ZBTB20: variants seen among roughly 807,000 people sequenced by gnomAD.
ZBTB20 encodes zinc finger and BTB domain containing 20.
A neutral mutation model predicts 56.9 loss-of-function variants in ZBTB20; 9 were observed. The observed-to-expected ratio is 0.16, with a 90% CI of 0.10 to 0.28. The LOEUF is 0.28. Among genes scored for constraint, ZBTB20 ranks in the 10% least tolerant of loss-of-function variants. ZBTB20 has a pLI of 1.00. For synonymous variants in ZBTB20, 417 were observed against 420.7 expected, an observed-to-expected ratio of 0.99 and a Z score of 0.11; for missense variants, 655 against 1,003.0, an observed-to-expected ratio of 0.65 and a Z score of 4.69.
At chr3:114,878,779 AAC>A (rs1190035044) in intron 4 of ZBTB20, among the ~76,000 whole-genome samples, 11 of 152,166 alleles carry the variant, frequency 7.2e-5, no homozygotes, top group African/African-American at 2.7e-4. Context: ...AATTATTGAA[AAC>A]ACACAAAATA....
In ZBTB20 at chr3:114,321,596, A is replaced by G. The variant is rs2078896857; in HGVS notation, c.*17409T>C. 6.6e-6 allele frequency: 1 copy of G among 152,246 alleles called. No individual in the cohort carries two copies. The highest frequency in any genetic ancestry group is 6.5e-5 in the Admixed American group (1 of 15,288). 9.4% of individuals were successfully genotyped at this position (152,246 alleles called of 1,614,324 possible). On this transcript the variant is annotated 3_prime_UTR_variant, in exon 12 of 12. Coordinates refer to ENST00000675478, the MANE Select transcript of ZBTB20 (RefSeq NM_001348800.3). ...ACACAGATGGTTCCATATGGAAACA[A>G]AAAATAAAGAGAAAGAACTGGTAAG...
chr3:114,817,602 T>C (rs2073016906), intron 4 of ZBTB20, among the ~76,000 whole-genome samples: 1 of 151,822 alleles, frequency 6.6e-6, no homozygotes, highest in Admixed American at 6.6e-5. Context: ...GGCATACATA[T>C]ATGCCTCTAT....
chr3:114,531,078 G>A (rs1031008316), intron 6 of ZBTB20, among the ~76,000 whole-genome samples: 7 of 151,924 alleles, frequency 4.6e-5, no homozygotes, highest in Non-Finnish European at 1.0e-4. Flanking sequence ...ACCTTTCTTC[G>A]GAGCTTCAAA....
At chr3:114,821,026 G>C (rs899194328) in intron 4 of ZBTB20, among the ~76,000 whole-genome samples, 1 of 152,140 alleles carries the variant, frequency 6.6e-6, no homozygotes, top group African/African-American at 2.4e-5. Context: ...ATAGTGAACA[G>C]TGTATTTGCG....
chr3:114,829,630 T>C (rs1258603208), intron 4 of ZBTB20, among the ~76,000 whole-genome samples: 2 of 151,876 alleles, frequency 1.3e-5, no homozygotes, highest in Non-Finnish European at 2.9e-5. Context: ...CACACCTGGT[T>C]TTATGAATCA....
At chr3:114,800,393 A>G (rs991188981) in intron 5 of ZBTB20, among the ~76,000 whole-genome samples, 1 of 151,812 alleles carries the variant, frequency 6.6e-6, no homozygotes, top group East Asian at 1.9e-4. Flanking sequence ...TTGTTCTTCC[A>G]AGTACATTGA....
rs1219273494 is a variant in ZBTB20, at chr3:114,320,590, C to A, written c.*18415G>T. 4 of 152,176 alleles carry A rather than the reference C, an allele frequency of 2.6e-5. No individual in the cohort carries two copies. Among genetic ancestry groups the A allele is most frequent in the Admixed American group, 6.5e-5 (1 of 15,272 alleles). The allele number at this position is 152,176 out of a possible 1,614,324, so 9.4% of individuals were successfully genotyped here. On this transcript the variant is annotated 3_prime_UTR_variant, in exon 12 of 12. Transcript: ENST00000675478. ...TAGATTTCTAACTCAACATAGTTAA[C>A]CACTGCTCTTCTGTCTTTTCCTTCA...
At chr3:114,720,421 C>T (rs893161188) in intron 5 of ZBTB20, among the ~76,000 whole-genome samples, 3 of 152,004 alleles carry the variant, frequency 2.0e-5, no homozygotes, top group Non-Finnish European at 4.4e-5. Context: ...TATAGACATG[C>T]AAGTATTACT....
At chr3:114,816,194 G>C (rs574736503) in intron 4 of ZBTB20, among the ~76,000 whole-genome samples, 3 of 152,194 alleles carry the variant, frequency 2.0e-5, no homozygotes, top group African/African-American at 7.2e-5. Flanking sequence ...TCTTCACTTT[G>C]GTTAATACGG....
intron 7 of ZBTB20, among the ~76,000 whole-genome samples, chr3:114,407,677 T>C (rs2087467905): frequency 1.3e-5 from 2 of 152,286 alleles, no homozygotes; most frequent in South Asian, 4.1e-4. Context: ...TGGGAAAACA[T>C]TAAAAACTGT....
chr3:114,921,103 T>C (rs2075941707), intron 3 of ZBTB20, among the ~76,000 whole-genome samples: 1 of 152,068 alleles, frequency 6.6e-6, no homozygotes, highest in Non-Finnish European at 1.5e-5. Flanking sequence ...AATTCTCCCA[T>C]CAAAGAAAAG....
intron 4 of ZBTB20, among the ~76,000 whole-genome samples, chr3:114,881,007 A>G (rs1241940042): frequency 6.6e-6 from 1 of 152,128 alleles, no homozygotes; most frequent in Non-Finnish European, 1.5e-5. Flanking sequence ...AAATATAAAT[A>G]TGATATTAAA....
chr3:115,068,378 A>G (rs1032201542), intron 2 of ZBTB20, among the ~76,000 whole-genome samples: 2 of 152,126 alleles, frequency 1.3e-5, no homozygotes, highest in Admixed American at 1.3e-4. Context: ...ATAGGTTAAA[A>G]AGGATACATG....
At chr3:114,502,684 A>T (rs1373608373) in intron 6 of ZBTB20, 1 of 152,178 alleles carries the variant, frequency 6.6e-6, no homozygotes, top group Non-Finnish European at 1.5e-5. Context: ...GCTATATTCT[A>T]GTCTTCTCTG....
intron 5 of ZBTB20, among the ~76,000 whole-genome samples, chr3:114,706,053 G>A (rs1382999148): frequency 6.6e-6 from 1 of 152,078 alleles, no homozygotes; most frequent in African/African-American, 2.4e-5. Context: ...TCCCATATAG[G>A]TCATGATATT....
intron 1 of ZBTB20, among the ~76,000 whole-genome samples, chr3:115,119,874 T>C (rs540743380): frequency 2.0e-5 from 3 of 152,148 alleles, no homozygotes; most frequent in South Asian, 2.1e-4. Context: ...TAAAAGTCAA[T>C]AGATGGAGGA....
At chr3:115,058,461 G>A (rs1368130306) in intron 2 of ZBTB20, among the ~76,000 whole-genome samples, 1 of 152,134 alleles carries the variant, frequency 6.6e-6, no homozygotes, top group Non-Finnish European at 1.5e-5. Flanking sequence ...AGGCATGGTG[G>A]GTCATGCCTC....
At chr3:114,578,459 G>A (rs935015061) in intron 6 of ZBTB20, among the ~76,000 whole-genome samples, 25 of 152,038 alleles carry the variant, frequency 1.6e-4, no homozygotes, top group African/African-American at 5.3e-4. Flanking sequence ...AGATTAATAA[G>A]TATATCCTGA....
chr3:114,919,870 G>A (rs2075891415), intron 3 of ZBTB20, among the ~76,000 whole-genome samples: 1 of 152,084 alleles, frequency 6.6e-6, no homozygotes, highest in Non-Finnish European at 1.5e-5. Flanking sequence ...ACAATATGCT[G>A]CCTATAAGAG....
Sources: allele counts gnomAD v4.1 joint callset (sites outside exome capture counted in the v4.1 genomes callset), GRCh38; gene constraint gnomAD v4.1.1; transcripts MANE v1.5; gene names NCBI Gene and HGNC (gene_info 2026-07-23, HGNC 2026-07-21).